Variants in ODF2L observed in about 807,000 individuals in gnomAD.
ODF2L encodes outer dense fiber of sperm tails 2 like, also known as protein BCAP.
ODF2L carries 76 observed loss-of-function variants against 86.3 expected under a neutral mutation model. That is an observed-to-expected ratio of 0.88 (90% CI 0.73 to 1.07). The LOEUF (loss-of-function observed/expected upper bound fraction) is 1.07. Ranked by LOEUF, ODF2L falls within the 50% of genes least tolerant of loss-of-function variation. The pLI, the probability that ODF2L is intolerant of heterozygous loss-of-function variation, is 0.00. For missense variants in ODF2L, 748 were observed against 717.4 expected (o/e 1.04, Z -0.49); for synonymous variants, 241 against 231.3 (o/e 1.04, Z -0.38).
chr1:86,353,864 G>A (rs555514890), intron 16 of ODF2L, among the ~76,000 whole-genome samples: 3 of 152,286 alleles, frequency 2.0e-5, no homozygotes, highest in South Asian at 2.1e-4. Context: ...GCACTCTCAC[G>A]TGGGCAGAAA....
chr1:86,390,104 A>G (rs1661214129), intron 1 of ODF2L, among the ~76,000 whole-genome samples: 1 of 152,186 alleles, frequency 6.6e-6, no homozygotes, highest in South Asian at 2.1e-4. Flanking sequence ...CTACAGACCA[A>G]TATCCCTGAT....
chr1:86,394,863 C>CAT (rs926902825), intron 1 of ODF2L, among the ~76,000 whole-genome samples: 10 of 106,210 alleles, frequency 9.4e-5, no homozygotes, highest in Non-Finnish European at 1.8e-4. Flanking sequence ...TTTTTTGAGA[C>CAT]AGAGTCTCGC....
intron 7 of ODF2L, among the ~76,000 whole-genome samples, chr1:86,380,141 T>C (rs143348849): frequency 0.037 from 5,603 of 152,288 alleles, 135 homozygotes; most frequent in Middle Eastern, 0.072. Context: ...GAAAGCCATT[T>C]TAATTTTTAA....
At position 86,357,604 on chromosome 1, in the gene ODF2L, A is replaced by C. The variant is rs752873969; in HGVS notation, c.1360-1002T>G. On this transcript the variant is annotated intron_variant, in intron 13 of 17. Coordinates refer to ENST00000317336, the Ensembl canonical transcript of ODF2L. The stretch of plus-strand genomic sequence containing the variant: ...CTGATGGTATATAAAGTAAAACAGG[A>C]AAAAAAAAAAACAGACTGAAAAATG... The C allele has an allele frequency of 3.6e-4, 17 of 47,156 alleles. No homozygotes were observed. In the South Asian group the frequency reaches 9.8e-3, roughly 27 times the overall value. The allele number at this position is 47,156 out of a possible 1,614,324, so 2.9% of individuals were successfully genotyped here.
At chr1:86,369,816 G>T (rs1470744036) in intron 10 of ODF2L, among the ~76,000 whole-genome samples, 1 of 152,076 alleles carries the variant, frequency 6.6e-6, no homozygotes, top group Non-Finnish European at 1.5e-5. Flanking sequence ...CAACATTTTA[G>T]ACCTACATAG....
At chr1:86,357,806 T>A in intron 13 of ODF2L, 3 of 984,524 alleles carry the variant, frequency 3.0e-6, no homozygotes, top group Non-Finnish European at 3.6e-6. Context: ...GACCTCACAG[T>A]ATCTGAAAAA....
At chr1:86,350,552 C>T (rs931986385) in exon 18 of ODF2L, 2 of 152,186 alleles carry the variant, frequency 1.3e-5, no homozygotes, top group Non-Finnish European at 2.9e-5. Flanking sequence ...AATAGTGCCA[C>T]AATAAATATA....
intron 7 of ODF2L, among the ~76,000 whole-genome samples, chr1:86,378,312 A>T (rs1660316207): frequency 6.6e-6 from 1 of 152,098 alleles, no homozygotes; most frequent in Admixed American, 6.5e-5. Flanking sequence ...CACTATCAGC[A>T]TTTTGCTCAA....
At chr1:86,395,861 G>C (rs1661701664) in intron 1 of ODF2L, 172 bp downstream of exon 1, 1 of 152,400 alleles carries the variant, frequency 6.6e-6, no homozygotes, top group African/African-American at 2.4e-5. Flanking sequence ...CAGGTAGTCA[G>C]CCTGAGGGAG....
chr1:86,394,179 A>G (rs911563761), intron 1 of ODF2L, among the ~76,000 whole-genome samples: 2 of 152,228 alleles, frequency 1.3e-5, no homozygotes, highest in African/African-American at 4.8e-5. Flanking sequence ...TAGCTTGTCC[A>G]AGATTACAAG....
At position 86,354,607 on chromosome 1, in the gene ODF2L, T is replaced by TA. The variant is rs529925465; in HGVS notation, c.1689dup (p.Lys564Ter). The stretch of plus-strand genomic sequence containing the variant: ...TACTCTGCAGATTTCTCTTTAAACT[T>TA]AAGATTGCTGTGCTTAAGACATTCT... On this transcript the variant is annotated frameshift_variant, in exon 16 of 18. Transcript: ENST00000317336. LOFTEE classifies it high-confidence loss of function. The TA allele has an allele frequency of 7.3e-4, 1,173 of 1,609,712 alleles. No homozygotes were observed. Among genetic ancestry groups the TA allele is most frequent in the Non-Finnish European group, 8.6e-4 (1,015 of 1,176,080 alleles).
chr1:86,387,198 A>T, intron 1 of ODF2L, 112 bp from the exon 2 acceptor site: 1 of 457,536 alleles, frequency 2.2e-6, no homozygotes, highest in Admixed American at 4.3e-5. Flanking sequence ...TTCAAAGACA[A>T]AATAAGAAGT....
chr1:86,392,044 AT>A (rs1284241579), intron 1 of ODF2L, among the ~76,000 whole-genome samples: 1 of 152,170 alleles, frequency 6.6e-6, no homozygotes, highest in African/African-American at 2.4e-5. Flanking sequence ...TGAATAGACA[AT>A]TCTCAAATGA....
intron 11 of ODF2L, among the ~76,000 whole-genome samples, chr1:86,361,544 T>C (rs1263122159): frequency 2.6e-5 from 4 of 152,118 alleles, no homozygotes; most frequent in African/African-American, 9.7e-5. Context: ...AGAAGCCATT[T>C]AAAAAAATGT....
rs111393682 is a variant in ODF2L at position 86,369,259 on chromosome 1, T to C, written c.1057-537A>G. ...AAAATTCTAATTCAGAATATCACAA[T>C]GTCACTGCTAAAAAAAAATGGTATT... On this transcript the variant is annotated intron_variant, in intron 10 of 17. Transcript: ENST00000317336. 9.3e-3 allele frequency among the ~76,000 whole-genome samples: 1,421 copies of C among 152,238 alleles called. 22 individuals are homozygous for C. The highest frequency in any genetic ancestry group is 0.033 in the African/African-American group (1,361 of 41,546).
At chr1:86,350,872 T>C (rs773168595) in exon 18 of ODF2L, 30 of 152,350 alleles carry the variant, frequency 2.0e-4, no homozygotes, top group African/African-American at 7.0e-4. Flanking sequence ...TTTTTTCATA[T>C]GTTTTTTGGC....
In ODF2L at chr1:86,383,114, G is replaced by A. The variant is rs374748753; in HGVS notation, c.435+20C>T. The A allele has an allele frequency of 1.1e-5, 17 of 1,491,460 alleles. No homozygotes were observed. The highest frequency in any genetic ancestry group is 1.5e-5 in the Non-Finnish European group (16 of 1,075,852). 92.4% of individuals were successfully genotyped at this position (1,491,460 alleles called of 1,614,324 possible). Reference sequence around the variant, plus strand: ...CAATGACAGGAAGAATGGACACAAAGTAAGTGTGGAAAGACTTACAGTATT... The same window carrying A: ...CAATGACAGGAAGAATGGACACAAAATAAGTGTGGAAAGACTTACAGTATT... On this transcript the variant is annotated intron_variant, in intron 5 of 17. Coordinates refer to ENST00000317336, the Ensembl canonical transcript of ODF2L.
rs1350922562 is a variant in ODF2L, at chr1:86,385,602, T to C, written c.114-12A>G. ...TGTCCTGCTTCAGGCTAATTACAAA[T>C]GCACATACAAAATTTAAGTTAAATC... On this transcript the variant is annotated splice_polypyrimidine_tract_variant and intron_variant, in intron 2 of 17. Coordinates refer to ENST00000317336, the Ensembl canonical transcript of ODF2L. 2 of 1,606,472 alleles carry C rather than the reference T, an allele frequency of 1.2e-6. No individual in the cohort carries two copies. The highest frequency in any genetic ancestry group is 4.5e-5 in the East Asian group (2 of 44,690).
chr1:86,394,664 CA>C (rs1218275389), intron 1 of ODF2L, among the ~76,000 whole-genome samples: 2 of 151,940 alleles, frequency 1.3e-5, no homozygotes, highest in African/African-American at 4.8e-5. Context: ...AAGTTTGTCA[CA>C]AGGAACTTTT....
Sources: allele counts gnomAD v4.1 joint callset (sites outside exome capture counted in the v4.1 genomes callset), GRCh38; gene constraint gnomAD v4.1.1; transcripts MANE v1.5; gene names NCBI Gene and HGNC (gene_info 2026-07-23, HGNC 2026-07-21).